The following RBPMS variants were observed in gnomAD, a reference collection of about 807,000 sequenced individuals.
The protein encoded by RBPMS is RNA-binding protein with multiple splicing.
RBPMS carries 7 observed loss-of-function variants against 26.8 expected under a neutral mutation model. The ratio of observed to expected loss-of-function variants is 0.26; its 90% CI spans 0.15 to 0.49. The LOEUF is 0.49. Among genes scored for constraint, RBPMS ranks in the 20% least tolerant of loss-of-function variants. The pLI, the probability that RBPMS is intolerant of heterozygous loss-of-function variation, is 0.98. For missense variants in RBPMS, 186 were observed against 250.0 expected (o/e 0.74, Z 1.73); for synonymous variants, 96 against 93.3 (o/e 1.03, Z -0.17).
intron 5 of RBPMS, among the ~76,000 whole-genome samples, chr8:30,520,900 C>T (rs896357904): frequency 6.6e-6 from 1 of 151,880 alleles, no homozygotes. Flanking sequence ...AGTGGCTATA[C>T]GTTGTTATTT....
chr8:30,385,888 C>T (rs1380196772), intron 1 of RBPMS, among the ~76,000 whole-genome samples: 1 of 152,096 alleles, frequency 6.6e-6, no homozygotes, highest in Non-Finnish European at 1.5e-5. Flanking sequence ...TTTGTGACTG[C>T]GGAGCGTTCC....
chr8:30,468,396 G>A (rs541156625), intron 1 of RBPMS, among the ~76,000 whole-genome samples: 2 of 151,896 alleles, frequency 1.3e-5, no homozygotes, highest in East Asian at 1.9e-4. Flanking sequence ...ATTCAGATTG[G>A]TTTTTATCCT....
At chr8:30,415,228 A>G (rs1235825512) in intron 1 of RBPMS, among the ~76,000 whole-genome samples, 1 of 151,990 alleles carries the variant, frequency 6.6e-6, no homozygotes, top group Non-Finnish European at 1.5e-5. Context: ...AGATTCAACA[A>G]TTCTACTTTC....
At chr8:30,555,868 C>A (rs1826838030) in intron 6 of RBPMS, 3 of 985,200 alleles carry the variant, frequency 3.0e-6, no homozygotes. Flanking sequence ...ACCCTCTCCT[C>A]ATTACCCCCA....
chr8:30,570,037 A>C (rs572299375), intron 8 of RBPMS, among the ~76,000 whole-genome samples: 46 of 152,294 alleles, frequency 3.0e-4, no homozygotes, highest in African/African-American at 1.1e-3. Flanking sequence ...GGCAGTGAAA[A>C]GTCACAGGTC....
At chr8:30,559,758 A>C (rs1827287214) in intron 7 of RBPMS, among the ~76,000 whole-genome samples, 2 of 152,202 alleles carry the variant, frequency 1.3e-5, no homozygotes, top group South Asian at 4.1e-4. Flanking sequence ...AGGAAGAAAA[A>C]TGAGAAGAGG....
At chr8:30,492,747 G>T (rs762644795) in intron 4 of RBPMS, among the ~76,000 whole-genome samples, 11 of 152,202 alleles carry the variant, frequency 7.2e-5, no homozygotes, top group Non-Finnish European at 1.0e-4. Context: ...AACCAAAGGG[G>T]TGTGTATTTT....
chr8:30,511,792 G>T (rs9693901), intron 5 of RBPMS, among the ~76,000 whole-genome samples: 2 of 151,684 alleles, frequency 1.3e-5, no homozygotes, highest in Admixed American at 6.6e-5. Flanking sequence ...CCATTCCTCT[G>T]CAGCCTGGGC....
intron 1 of RBPMS, among the ~76,000 whole-genome samples, chr8:30,411,755 G>A (rs1219841202): frequency 6.6e-6 from 1 of 151,724 alleles, no homozygotes; most frequent in East Asian, 1.9e-4. Context: ...ACGCCAAGGC[G>A]GGTGGATCAC....
chr8:30,434,439 C>T (rs940066968), intron 1 of RBPMS, among the ~76,000 whole-genome samples: 4 of 152,144 alleles, frequency 2.6e-5, no homozygotes, highest in African/African-American at 9.7e-5. Flanking sequence ...CACAGTGGCT[C>T]ACACCTTTAA....
At chr8:30,568,823 A>G (rs1585915394) in intron 8 of RBPMS, among the ~76,000 whole-genome samples, 2 of 151,850 alleles carry the variant, frequency 1.3e-5, no homozygotes, top group East Asian at 1.9e-4. Context: ...ACAGGGACTG[A>G]AATAGCCACA....
chr8:30,534,371 A>G (rs1030202650), intron 5 of RBPMS, among the ~76,000 whole-genome samples: 2 of 152,246 alleles, frequency 1.3e-5, no homozygotes, highest in African/African-American at 4.8e-5. Flanking sequence ...TTGAGACTTT[A>G]TGCTTGTGAA....
At chr8:30,466,173 T>A (rs1188796214) in intron 1 of RBPMS, among the ~76,000 whole-genome samples, 1 of 152,180 alleles carries the variant, frequency 6.6e-6, no homozygotes, top group Non-Finnish European at 1.5e-5. Flanking sequence ...AGTGGATCCC[T>A]CAAAACTAGG....
At chr8:30,449,596 C>G (rs1361691433) in intron 1 of RBPMS, among the ~76,000 whole-genome samples, 1 of 152,170 alleles carries the variant, frequency 6.6e-6, no homozygotes, top group Non-Finnish European at 1.5e-5. Context: ...GTCTCAAACT[C>G]CTGACCTCAG....
intron 6 of RBPMS, among the ~76,000 whole-genome samples, chr8:30,548,810 G>A (rs1163285324): frequency 6.6e-6 from 1 of 152,148 alleles, no homozygotes; most frequent in East Asian, 1.9e-4. Context: ...CAGCAGGGTG[G>A]GACTTCTGAA....
At chr8:30,453,220 G>T (rs945596583) in intron 1 of RBPMS, among the ~76,000 whole-genome samples, 3 of 152,146 alleles carry the variant, frequency 2.0e-5, no homozygotes, top group African/African-American at 7.2e-5. Flanking sequence ...TAAAGTTTGG[G>T]TAACGGTTCA....
chr8:30,485,931 T>G lies in RBPMS; in HGVS notation c.246+6554T>G, dbSNP rs186099240. The stretch of plus-strand genomic sequence containing the variant: ...TTATAATAGCATGTAAGTTAAAAGT[T>G]GTTGTGAAAAAACAAATGAAGATGC... On this transcript the variant is annotated intron_variant, in intron 4 of 8. Transcript: ENST00000397323. 2.3e-3 allele frequency among the ~76,000 whole-genome samples: 350 copies of G among 152,336 alleles called. 1 individual carries two copies. The highest frequency in any genetic ancestry group is 3.9e-3 in the Admixed American group (59 of 15,306).
intron 5 of RBPMS, among the ~76,000 whole-genome samples, chr8:30,539,160 T>A (rs1825121355): frequency 1.3e-5 from 2 of 152,350 alleles, no homozygotes; most frequent in African/African-American, 4.8e-5. Context: ...AATGGAATTT[T>A]TCATCATGTT....
At chr8:30,426,137 G>A (rs6985051) in intron 1 of RBPMS, among the ~76,000 whole-genome samples, 31,492 of 152,168 alleles carry the variant, frequency 0.21, 3,433 homozygotes, top group Non-Finnish European at 0.22. Context: ...TGAAAGATGT[G>A]AGGATTTTGA....
Sources: gnomAD v4.1 joint callset for allele counts (sites outside exome capture counted in the v4.1 genomes callset) on GRCh38, gnomAD v4.1.1 for gene constraint, MANE v1.5 for transcripts, NCBI Gene and HGNC (gene_info 2026-07-23, HGNC 2026-07-21) for gene names.